RYR3: variants seen among roughly 807,000 people sequenced by gnomAD.
The protein encoded by RYR3 is ryanodine receptor 3.
Under a neutral mutation model 584.3 loss-of-function variants are expected in RYR3, and 207 were observed. That is an observed-to-expected ratio of 0.35 (90% confidence interval 0.32 to 0.40). The LOEUF (loss-of-function observed/expected upper bound fraction) is 0.40. Ranked by LOEUF, RYR3 falls within the 10% of genes least tolerant of loss-of-function variation. The pLI is 1.00. For synonymous variants in RYR3, 2,416 were observed against 2,248.5 expected, an observed-to-expected ratio of 1.07 and a Z score of -2.11; for missense variants, 5,616 against 6,089.2, an observed-to-expected ratio of 0.92 and a Z score of 2.59.
At chr15:33,558,410 C>A (rs908817878) in intron 10 of RYR3, among the ~76,000 whole-genome samples, 1 of 151,094 alleles carries the variant, frequency 6.6e-6, no homozygotes, top group South Asian at 2.1e-4. Flanking sequence ...ATCCATGTCC[C>A]TACAAAGGAC....
intron 2 of RYR3, among the ~76,000 whole-genome samples, chr15:33,479,982 T>G (rs1416296703): frequency 3.3e-5 from 5 of 152,250 alleles, no homozygotes; most frequent in Non-Finnish European, 7.3e-5. Context: ...ATCATGTATT[T>G]TCTTCAAAGT....
In RYR3 at chr15:33,385,710, C is replaced by CTTTTTTTTTTTTTTTTTTTTTTTTTTT. The variant is rs10682215; in HGVS notation, c.51+74625_51+74626insTTTTTTTTTTTTTTTTTTTTTTTTTTT. Among the ~76,000 whole-genome samples, 2 of 131,402 alleles carry CTTTTTTTTTTTTTTTTTTTTTTTTTTT rather than the reference C, an allele frequency of 1.5e-5. 1 individual carries two copies. The highest frequency in any genetic ancestry group is 1.6e-4 in the Admixed American group (2 of 12,162). 86.2% of individuals were successfully genotyped at this position (131,402 alleles called of 152,430 possible). On this transcript the variant is annotated intron_variant, in intron 1 of 103. Coordinates refer to ENST00000634891, the MANE Select transcript of RYR3 (RefSeq NM_001036.6). ...TTTTCTTTTTTTTTCTTTTTCTTTTCTTTTTTTTTTTGAGACAGGGTCTCA... is the reference window on the plus strand; with the variant it reads ...TTTTCTTTTTTTTTCTTTTTCTTTTCTTTTTTTTTTTTTTTTTTTTTTTTTTTTTTTTTTTTTTGAGACAGGGTCTCA...
intron 1 of RYR3, among the ~76,000 whole-genome samples, chr15:33,380,260 T>A (rs1479132166): frequency 1.3e-5 from 2 of 152,150 alleles, no homozygotes; most frequent in Non-Finnish European, 2.9e-5. Context: ...AATTGGTAAC[T>A]CTAAGGTCCT....
chr15:33,380,055 T>C (rs906362519), intron 1 of RYR3, among the ~76,000 whole-genome samples: 5 of 152,206 alleles, frequency 3.3e-5, no homozygotes, highest in African/African-American at 1.2e-4. Flanking sequence ...GGCAGCCGAC[T>C]GGGTGATGCC....
chr15:33,630,149 C>G (rs2061194627), intron 22 of RYR3, 106 bp downstream of exon 22: 3 of 626,324 alleles, frequency 4.8e-6, no homozygotes, highest in Non-Finnish European at 8.3e-6. Context: ...GTGGCACATT[C>G]TGATAAATTA....
At chr15:33,564,873 G>A (rs1407027879) in intron 11 of RYR3, among the ~76,000 whole-genome samples, 3 of 151,952 alleles carry the variant, frequency 2.0e-5, no homozygotes, top group East Asian at 1.9e-4. Flanking sequence ...CCCTTGACAG[G>A]GCTACACTGC....
rs760446533 is a variant in RYR3, at chr15:33,816,902, TTTTGGATAGAA to T, written c.10544_10554del (p.Phe3515TyrfsTer7). 2 of 1,612,528 alleles carry T rather than the reference TTTTGGATAGAA, an allele frequency of 1.2e-6. No individual in the cohort carries two copies. The highest frequency in any genetic ancestry group is 1.7e-6 in the Non-Finnish European group (2 of 1,179,146). ...CCTCTTCCTCCATGGCTATCAGAGATTTTGGATAGAAACAGAGGAGTATTCCTTTGAAGAGA... is the reference window on the plus strand; with the variant it reads ...CCTCTTCCTCCATGGCTATCAGAGATACAGAGGAGTATTCCTTTGAAGAGA... On this transcript the variant is annotated frameshift_variant, in exon 75 of 104. Transcript: ENST00000634891. LOFTEE classifies it high-confidence loss of function.
At chr15:33,520,414 T>C (rs995222603) in intron 3 of RYR3, among the ~76,000 whole-genome samples, 9 of 152,186 alleles carry the variant, frequency 5.9e-5, no homozygotes, top group African/African-American at 2.2e-4. Flanking sequence ...TATTGACCCT[T>C]TGTGGTCACT....
chr15:33,441,001 T>C (rs1021997825), intron 1 of RYR3, among the ~76,000 whole-genome samples: 1 of 152,208 alleles, frequency 6.6e-6, no homozygotes, highest in African/African-American at 2.4e-5. Context: ...TTGAGTCGCT[T>C]GGTGTTGTGT....
intron 42 of RYR3, among the ~76,000 whole-genome samples, chr15:33,705,101 TTC>T (rs10534581): frequency 0.3 from 41,909 of 141,852 alleles, 6,550 homozygotes; most frequent in East Asian, 0.62. Context: ...CACACACTCT[TTC>T]TCTCTCTCTC....
chr15:33,479,589 A>G (rs980740699), intron 2 of RYR3, among the ~76,000 whole-genome samples: 46 of 152,092 alleles, frequency 3.0e-4, no homozygotes, highest in African/African-American at 1.0e-3. Flanking sequence ...TCTATAAAGC[A>G]AACATTGTCC....
chr15:33,592,884 G>A (rs773483068), intron 16 of RYR3, among the ~76,000 whole-genome samples: 2 of 152,208 alleles, frequency 1.3e-5, no homozygotes, highest in East Asian at 1.9e-4. Flanking sequence ...AAGTCCTGAC[G>A]ACATGTGCTG....
Position 33,699,765 on chromosome 15 carries a change from G to A in RYR3, c.6311G>A (p.Ser2104Asn). The stretch of plus-strand genomic sequence containing the variant: ...TTCCTTTGCTATTTCTGTCGAATTA[G>A]CCGGCAAAATCAGAAGGCCATGTTT... ...CRFLCYFCRI[S>N]RQNQKAMFEH... Residue 2104 changes from serine (S) to asparagine (N), a missense_variant, in exon 41 of 104, where the codon AGC becomes AAC. Around this residue, in one of 9 missense-constraint regions of RYR3, gnomAD observed 1,280 missense variants for 1,426.2 expected, o/e 0.90. Transcript: ENST00000634891. 1 of 1,613,832 alleles carries A rather than the reference G, an allele frequency of 6.2e-7. No homozygotes were observed. Among genetic ancestry groups the A allele is most frequent in the South Asian group, 1.1e-5 (1 of 91,052 alleles).
At chr15:33,424,975 C>T (rs1337150892) in intron 1 of RYR3, among the ~76,000 whole-genome samples, 3 of 152,160 alleles carry the variant, frequency 2.0e-5, no homozygotes. Context: ...AATAACTTTA[C>T]CTACAGCAAT....
intron 1 of RYR3, among the ~76,000 whole-genome samples, chr15:33,317,392 T>C (rs1254764807): frequency 6.6e-6 from 1 of 152,186 alleles, no homozygotes; most frequent in Non-Finnish European, 1.5e-5. Flanking sequence ...GGTGAGGCTG[T>C]AGGGCCACAG....
Position 33,678,538 on chromosome 15 carries a change from A to AAATTAT in RYR3, c.5860+7982_5860+7983insAATTAT, listed in dbSNP as rs2064347960. On this transcript the variant is annotated intron_variant, in intron 38 of 103. Coordinates refer to ENST00000634891, the MANE Select transcript of RYR3 (RefSeq NM_001036.6). Reference sequence around the variant, plus strand: ...CTTCATAAATTATGCAATCTCAGGTAGTTCTTTATAGCAGTGTGAGAATGG... The same window carrying AAATTAT: ...CTTCATAAATTATGCAATCTCAGGTAAATTATGTTCTTTATAGCAGTGTGAGAATGG... 2.0e-5 allele frequency among the ~76,000 whole-genome samples: 3 copies of AAATTAT among 152,228 alleles called. No individual in the cohort carries two copies. The South Asian group carries it at 6.2e-4, about 32-fold the overall frequency.
At chr15:33,667,594 T>C (rs919986869) in intron 36 of RYR3, among the ~76,000 whole-genome samples, 1 of 152,186 alleles carries the variant, frequency 6.6e-6, no homozygotes, top group African/African-American at 2.4e-5. Flanking sequence ...AATAAGTACA[T>C]ACGTTACTAC....
At chr15:33,837,604 G>C in intron 88 of RYR3, 27 bp from the exon 89 acceptor site, 2 of 1,533,326 alleles carry the variant, frequency 1.3e-6, no homozygotes, top group Non-Finnish European at 1.8e-6. Context: ...TTGTATATTT[G>C]TATGTCTTTT....
Position 33,739,803 on chromosome 15 carries a change from AC to A in RYR3, c.7657-28del, listed in dbSNP as rs748790518. The A allele has an allele frequency of 1.2e-5, 19 of 1,602,792 alleles. No individual in the cohort carries two copies. In the South Asian group the frequency reaches 2.1e-4, roughly 18 times the overall value. ...CTAAAGGCATGGTTCTGCTTTCTCTACTAATGTGGCCTTGTTTTTCCCTCAC... is the reference window on the plus strand; with the variant it reads ...CTAAAGGCATGGTTCTGCTTTCTCTATAATGTGGCCTTGTTTTTCCCTCAC... On this transcript the variant is annotated intron_variant, in intron 50 of 103. Coordinates refer to ENST00000634891, the MANE Select transcript of RYR3 (RefSeq NM_001036.6).
Sources: gnomAD v4.1 joint callset for allele counts (sites outside exome capture counted in the v4.1 genomes callset) on GRCh38, gnomAD v4.1.1 for gene constraint, gnomAD v4.1.1 regional missense constraint, MANE v1.5 for transcripts, NCBI Gene and HGNC (gene_info 2026-07-23, HGNC 2026-07-21) for gene names.